GPM6A: variants seen among roughly 807,000 people sequenced by gnomAD.
GPM6A encodes neuronal membrane glycoprotein M6-a.
In GPM6A, 7 loss-of-function variants were observed where a neutral mutation model predicts 32.1. That is an observed-to-expected ratio of 0.22 (90% CI 0.12 to 0.41). The LOEUF (loss-of-function observed/expected upper bound fraction) is 0.41. GPM6A is among the 10% of genes least tolerant of loss of function. GPM6A has a pLI of 1.00. For missense variants in GPM6A, 235 were observed against 347.2 expected (o/e 0.68, Z 2.57); for synonymous variants, 130 against 123.4 (o/e 1.05, Z -0.35).
At chr4:175,687,986 T>C (rs1024043858) in intron 2 of GPM6A, among the ~76,000 whole-genome samples, 1 of 152,240 alleles carries the variant, frequency 6.6e-6, no homozygotes, top group Non-Finnish European at 1.5e-5. Flanking sequence ...TAAGTCTTCT[T>C]TGGAGAAATA....
At chr4:175,650,979 A>C (rs1281382427) in intron 4 of GPM6A, among the ~76,000 whole-genome samples, 1 of 152,160 alleles carries the variant, frequency 6.6e-6, no homozygotes. Context: ...TAGAATCTCA[A>C]ATAGGCTGAG....
chr4:175,780,998 C>T (rs1336774410), intron 1 of GPM6A, among the ~76,000 whole-genome samples: 1 of 151,812 alleles, frequency 6.6e-6, no homozygotes, highest in Non-Finnish European at 1.5e-5. Context: ...AGTATATGAT[C>T]CATCAATTAG....
intron 1 of GPM6A, among the ~76,000 whole-genome samples, chr4:175,746,609 G>C (rs564600636): frequency 6.6e-6 from 1 of 152,178 alleles, no homozygotes; most frequent in South Asian, 2.1e-4. Flanking sequence ...AAAATGAGTA[G>C]ATCCAAATAT....
intron 1 of GPM6A, among the ~76,000 whole-genome samples, chr4:175,908,712 A>G (rs1738208384): frequency 6.6e-6 from 1 of 152,160 alleles, no homozygotes; most frequent in South Asian, 2.1e-4. Flanking sequence ...ATATTTCAAC[A>G]AAAATTTAAA....
chr4:175,945,977 G>A (rs1381207879), intron 1 of GPM6A, among the ~76,000 whole-genome samples: 3 of 151,820 alleles, frequency 2.0e-5, no homozygotes, highest in Non-Finnish European at 4.4e-5. Context: ...TATAAGTAAT[G>A]GACATAGAGA....
At chr4:175,766,375 T>A (rs1270251347) in intron 1 of GPM6A, among the ~76,000 whole-genome samples, 1 of 152,200 alleles carries the variant, frequency 6.6e-6, no homozygotes, top group East Asian at 1.9e-4. Flanking sequence ...AAACATTCGC[T>A]CAGTAAAATA....
At chr4:175,794,614 A>G (rs2111285461) in intron 1 of GPM6A, among the ~76,000 whole-genome samples, 1 of 152,340 alleles carries the variant, frequency 6.6e-6, no homozygotes, top group East Asian at 1.9e-4. Context: ...GCTGCATGTC[A>G]TTATAGAAAT....
intron 4 of GPM6A, among the ~76,000 whole-genome samples, chr4:175,648,671 T>C (rs1016584370): frequency 6.6e-6 from 1 of 152,340 alleles, no homozygotes; most frequent in African/African-American, 2.4e-5. Context: ...CTTCCTTTCC[T>C]ATTCCAGTTT....
intron 1 of GPM6A, among the ~76,000 whole-genome samples, chr4:175,948,497 A>G (rs1374567729): frequency 2.6e-5 from 4 of 152,162 alleles, no homozygotes; most frequent in African/African-American, 7.2e-5. Flanking sequence ...TAAGCCCCAC[A>G]GTCTATTGTA....
chr4:175,931,646 T>C (rs1190556193), intron 1 of GPM6A, among the ~76,000 whole-genome samples: 2 of 151,356 alleles, frequency 1.3e-5, no homozygotes, highest in Non-Finnish European at 2.9e-5. Context: ...AGAGTCCATT[T>C]CTGACAGACA....
chr4:175,734,156 A>G, intron 1 of GPM6A, among the ~76,000 whole-genome samples: 1 of 83,904 alleles, frequency 1.2e-5, no homozygotes, highest in Non-Finnish European at 2.9e-5. Flanking sequence ...ATATATATAT[A>G]TATATTTTTT....
At chr4:175,941,079 A>G (rs1297481561) in intron 1 of GPM6A, among the ~76,000 whole-genome samples, 2 of 152,212 alleles carry the variant, frequency 1.3e-5, no homozygotes, top group Non-Finnish European at 2.9e-5. Context: ...GTTTTTTACT[A>G]AGTGATATAA....
At chr4:175,877,656 C>T (rs1359146433) in intron 1 of GPM6A, among the ~76,000 whole-genome samples, 4 of 152,178 alleles carry the variant, frequency 2.6e-5, no homozygotes, top group African/African-American at 7.2e-5. Context: ...TCCACCTGGT[C>T]CCACCCTTGA....
At chr4:175,666,356 T>C (rs1471113825) in intron 3 of GPM6A, among the ~76,000 whole-genome samples, 1 of 152,234 alleles carries the variant, frequency 6.6e-6, no homozygotes, top group Non-Finnish European at 1.5e-5. Context: ...ACTATAGTAG[T>C]GGTTAATCTC....
At chr4:175,816,622 T>A (rs1215991418), upstream of GPM6A, among the ~76,000 whole-genome samples, 1 of 152,104 alleles carries the variant, frequency 6.6e-6, no homozygotes. Context: ...AGAGGAGATG[T>A]GGAAAAGAAG....
chr4:175,891,141 C>T, intron 1 of GPM6A, among the ~76,000 whole-genome samples: 1 of 152,076 alleles, frequency 6.6e-6, no homozygotes. Context: ...TCAGACAAAG[C>T]CACCTTGTGA....
chr4:175,886,481 C>T (rs1439721001), intron 1 of GPM6A, among the ~76,000 whole-genome samples: 2 of 152,056 alleles, frequency 1.3e-5, no homozygotes, highest in African/African-American at 4.8e-5. Flanking sequence ...ACTCACAGAA[C>T]CTTACTGAAA....
At chr4:175,906,955 C>CA (rs1219388882) in intron 1 of GPM6A, 2 of 152,078 alleles carry the variant, frequency 1.3e-5, no homozygotes, top group African/African-American at 2.4e-5. Context: ...CACAGCAGAC[C>CA]AGCCATCTGC....
chr4:175,731,684 T>A (rs1174015793), intron 1 of GPM6A, among the ~76,000 whole-genome samples: 1 of 152,188 alleles, frequency 6.6e-6, no homozygotes, highest in African/African-American at 2.4e-5. Context: ...ATAACTTTTT[T>A]AAAAAGTTAG....
Sources: gnomAD v4.1 joint callset for allele counts (sites outside exome capture counted in the v4.1 genomes callset) on GRCh38, gnomAD v4.1.1 for gene constraint, MANE v1.5 for transcripts, NCBI Gene and HGNC (gene_info 2026-07-23, HGNC 2026-07-21) for gene names.